The following PIBF1 variants were observed in gnomAD, a reference collection of about 807,000 sequenced individuals.
PIBF1 encodes the protein progesterone immunomodulatory binding factor 1, also known as progesterone-induced-blocking factor 1.
Under a neutral mutation model 112.5 loss-of-function variants are expected in PIBF1, and 90 were observed. The observed-to-expected ratio is 0.80, with a 90% confidence interval of 0.67 to 0.95. PIBF1 has a LOEUF of 0.95. Ranked by LOEUF, PIBF1 falls within the 40% of genes least tolerant of loss-of-function variation. The probability of loss-of-function intolerance (pLI) is 0.00; values close to 1 mark genes in which losing one functional copy is unlikely to be tolerated. For missense variants in PIBF1, 915 were observed against 852.3 expected, an observed-to-expected ratio of 1.07 and a Z score of -0.92; for synonymous variants, 301 against 288.6, an observed-to-expected ratio of 1.04 and a Z score of -0.44.
chr13:72,838,746 A>G (rs2037467735), intron 9 of PIBF1, among the ~76,000 whole-genome samples: 1 of 152,194 alleles, frequency 6.6e-6, no homozygotes, highest in Non-Finnish European at 1.5e-5. Context: ...CTATTAAGTT[A>G]GGTTGCAGTT....
At chr13:72,950,928 A>G (rs1372311818) in intron 14 of PIBF1, among the ~76,000 whole-genome samples, 1 of 151,164 alleles carries the variant, frequency 6.6e-6, no homozygotes, top group Non-Finnish European at 1.5e-5. Flanking sequence ...CCCACTGGGC[A>G]TGTAGGAGGC....
intron 12 of PIBF1, among the ~76,000 whole-genome samples, chr13:72,910,906 G>A (rs1169508566): frequency 2.6e-5 from 4 of 152,232 alleles, no homozygotes; most frequent in East Asian, 1.9e-4. Context: ...CCAAAATCAC[G>A]AAATATATTG....
intron 16 of PIBF1, among the ~76,000 whole-genome samples, chr13:72,987,033 G>A (rs2043312831): frequency 6.6e-6 from 1 of 152,154 alleles, no homozygotes; most frequent in Admixed American, 6.5e-5. Flanking sequence ...AGATAAACCT[G>A]CTCTGCTCTA....
intron 17 of PIBF1, among the ~76,000 whole-genome samples, chr13:73,011,646 T>C (rs1056928599): frequency 1.3e-5 from 2 of 151,902 alleles, no homozygotes; most frequent in Non-Finnish European, 2.9e-5. Flanking sequence ...AAGTTCATAT[T>C]CCAGAGGCAC....
intron 17 of PIBF1, among the ~76,000 whole-genome samples, chr13:73,002,991 A>AAAAG (rs954296512): frequency 3.3e-5 from 5 of 149,690 alleles, no homozygotes; most frequent in African/African-American, 9.9e-5. Context: ...CTCAAAAAAA[A>AAAAG]AAAAAAAAAA....
chr13:72,850,898 T>TAA (rs1298346317), intron 9 of PIBF1, among the ~76,000 whole-genome samples: 2 of 152,228 alleles, frequency 1.3e-5, no homozygotes, highest in East Asian at 3.9e-4. Flanking sequence ...AGAATGCACT[T>TAA]CCACTTAGTA....
intron 14 of PIBF1, among the ~76,000 whole-genome samples, chr13:72,953,709 G>A (rs1211720874): frequency 2.0e-5 from 3 of 152,202 alleles, no homozygotes; most frequent in Admixed American, 2.0e-4. Flanking sequence ...CTGAGGGCAT[G>A]CAGAAGTTTT....
chr13:72,991,833 C>T (rs1010911609), intron 16 of PIBF1, among the ~76,000 whole-genome samples: 7 of 152,098 alleles, frequency 4.6e-5, no homozygotes, highest in African/African-American at 1.4e-4. Flanking sequence ...ATTCTCCTGC[C>T]TCAGCCTCCC....
chr13:72,810,875 G>C (rs1402326408), intron 5 of PIBF1, among the ~76,000 whole-genome samples: 1 of 83,028 alleles, frequency 1.2e-5, no homozygotes, highest in Non-Finnish European at 2.4e-5. Context: ...TTTTTTTTTT[G>C]AGACGGAGTC....
intron 10 of PIBF1, among the ~76,000 whole-genome samples, chr13:72,863,160 G>A (rs1417151043): frequency 6.6e-6 from 1 of 151,996 alleles, no homozygotes; most frequent in African/African-American, 2.4e-5. Context: ...GGAGGAAAAA[G>A]ATCAATCACA....
At chr13:72,966,899 ACT>A (rs1202736035) in intron 15 of PIBF1, among the ~76,000 whole-genome samples, 1 of 151,154 alleles carries the variant, frequency 6.6e-6, no homozygotes, top group Non-Finnish European at 1.5e-5. Context: ...ACAGAGTGAG[ACT>A]CTGTCTCAAA....
chr13:72,934,139 T>G (rs982420445), intron 14 of PIBF1, among the ~76,000 whole-genome samples: 21 of 152,182 alleles, frequency 1.4e-4, no homozygotes, highest in African/African-American at 5.1e-4. Context: ...CTTTACTTTT[T>G]TCTGCTTTAC....
chr13:72,966,237 A>G (rs2042735577), intron 15 of PIBF1, among the ~76,000 whole-genome samples: 3 of 152,294 alleles, frequency 2.0e-5, no homozygotes, highest in South Asian at 2.1e-4. Flanking sequence ...ATATAAACCT[A>G]TTGGTAACTA....
chr13:73,010,810 C>CTTTTTTGTTTTTTTTT (rs2044175260), intron 17 of PIBF1, among the ~76,000 whole-genome samples: 1 of 40,280 alleles, frequency 2.5e-5, no homozygotes, highest in Admixed American at 4.3e-4. Context: ...ATTAACTTTT[C>CTTTTTTGTTTTTTTTT]TTTTTTTTTT....
intron 4 of PIBF1, 116 bp from the exon 5 acceptor site, chr13:72,797,791 C>A (rs2035268203): frequency 2.7e-6 from 2 of 740,430 alleles, no homozygotes; most frequent in African/African-American, 1.8e-5. Flanking sequence ...TAATGACTGT[C>A]TTGTTGTAGT....
intron 5 of PIBF1, among the ~76,000 whole-genome samples, chr13:72,811,614 G>GAT (rs2036021518): frequency 1.4e-5 from 2 of 147,924 alleles, no homozygotes; most frequent in Admixed American, 1.3e-4. Flanking sequence ...AAAAAAGAGA[G>GAT]AGAAATGTAT....
intron 15 of PIBF1, among the ~76,000 whole-genome samples, chr13:72,968,519 T>C (rs893873286): frequency 6.6e-6 from 1 of 151,926 alleles, no homozygotes; most frequent in East Asian, 2.0e-4. Flanking sequence ...CAGGGTGTTC[T>C]TGAACTCCTG....
rs529770218 is a variant in PIBF1 at position 72,972,665 on chromosome 13, A to G, written c.1965-926A>G. On this transcript the variant is annotated intron_variant, in intron 15 of 17. Transcript: ENST00000326291. ...GGTGACAGAGCGAGACTCCGTCTCAAAAAAAAAAAAAATGTTTTTACCTAT... is the reference window on the plus strand; with the variant it reads ...GGTGACAGAGCGAGACTCCGTCTCAGAAAAAAAAAAAATGTTTTTACCTAT... Among the ~76,000 whole-genome samples the G allele has an allele frequency of 2.4e-3, 363 of 149,882 alleles. 1 individual carries two copies. Among genetic ancestry groups the G allele is most frequent in the African/African-American group, 8.3e-3 (339 of 41,088 alleles).
chr13:72,909,681 C>A (rs994125052), intron 12 of PIBF1, among the ~76,000 whole-genome samples: 6 of 151,804 alleles, frequency 4.0e-5, no homozygotes, highest in African/African-American at 7.3e-5. Flanking sequence ...TTAGTAGAGA[C>A]GGGGTTTCTC....
Sources: gnomAD v4.1 joint callset for allele counts (sites outside exome capture counted in the v4.1 genomes callset) on GRCh38, gnomAD v4.1.1 for gene constraint, MANE v1.5 for transcripts, NCBI Gene and HGNC (gene_info 2026-07-23, HGNC 2026-07-21) for gene names.